Variants in CCND3 observed in about 807,000 individuals in gnomAD.
CCND3 encodes the protein G1/S-specific cyclin-D3.
Under a neutral mutation model 28.7 loss-of-function variants are expected in CCND3, and 9 were observed. That is an observed-to-expected ratio of 0.31 (90% CI 0.19 to 0.55). The LOEUF (loss-of-function observed/expected upper bound fraction) is 0.55. CCND3 is among the 20% of genes least tolerant of loss of function. The pLI is 0.93. For synonymous variants in CCND3, 164 were observed against 163.9 expected (o/e 1.00, Z 0.00); for missense variants, 315 against 385.8 (o/e 0.82, Z 1.54).
chr6:41,994,916 A>C (rs1762752531), intron 1 of CCND3, among the ~76,000 whole-genome samples: 1 of 151,950 alleles, frequency 6.6e-6, no homozygotes. Context: ...TACTACAAAT[A>C]CAAAAATTAG....
chr6:41,991,411 A>G (rs1430931229), intron 1 of CCND3, among the ~76,000 whole-genome samples: 1 of 152,182 alleles, frequency 6.6e-6, no homozygotes, highest in Non-Finnish European at 1.5e-5. Flanking sequence ...CCACAAAATA[A>G]TACTCCATTG....
At chr6:41,965,315 G>T (rs1256129587) in intron 1 of CCND3, among the ~76,000 whole-genome samples, 1 of 152,016 alleles carries the variant, frequency 6.6e-6, no homozygotes, top group African/African-American at 2.4e-5. Flanking sequence ...TGATCCGCCT[G>T]CCCCGGCCTC....
At chr6:41,987,289 C>T (rs370787502) in intron 1 of CCND3, among the ~76,000 whole-genome samples, 9 of 152,022 alleles carry the variant, frequency 5.9e-5, no homozygotes, top group African/African-American at 2.2e-4. Context: ...TGTCCTAATA[C>T]TTCAGTGATA....
chr6:42,020,435 A>G (rs1004240396), intron 1 of CCND3, among the ~76,000 whole-genome samples: 2 of 152,018 alleles, frequency 1.3e-5, no homozygotes, highest in Non-Finnish European at 2.9e-5. Context: ...TGTGTTGATC[A>G]GGTCCCCGGA....
At chr6:41,958,194 A>C (rs1776487536) in intron 1 of CCND3, among the ~76,000 whole-genome samples, 1 of 149,516 alleles carries the variant, frequency 6.7e-6, no homozygotes, top group Admixed American at 6.7e-5. Context: ...ACGGGTTTTC[A>C]CCATGTTGGC....
chr6:41,948,478 G>A (rs568966426), intron 1 of CCND3, among the ~76,000 whole-genome samples: 1 of 151,954 alleles, frequency 6.6e-6, no homozygotes, highest in Non-Finnish European at 1.5e-5. Context: ...TGGGACTATA[G>A]GCGTGCACTA....
At chr6:42,005,707 A>G (rs1420917201) in intron 1 of CCND3, among the ~76,000 whole-genome samples, 2 of 151,756 alleles carry the variant, frequency 1.3e-5, no homozygotes, top group African/African-American at 2.4e-5. Context: ...TTTTTGAGAT[A>G]AGAGTTTTGC....
At chr6:41,992,913 T>A (rs1462226379) in intron 1 of CCND3, among the ~76,000 whole-genome samples, 1 of 152,044 alleles carries the variant, frequency 6.6e-6, no homozygotes, top group Non-Finnish European at 1.5e-5. Context: ...GCCTTGTTTT[T>A]ATTTTTGTTT....
At chr6:41,947,263 T>A in intron 1 of CCND3, among the ~76,000 whole-genome samples, 1 of 151,850 alleles carries the variant, frequency 6.6e-6, no homozygotes. Flanking sequence ...TGGATGGGCA[T>A]TTAAAATCCC....
At chr6:42,016,055 C>T (rs1367299998) in intron 1 of CCND3, among the ~76,000 whole-genome samples, 3 of 152,006 alleles carry the variant, frequency 2.0e-5, no homozygotes, top group Non-Finnish European at 4.4e-5. Context: ...TCTGCCTCAG[C>T]CTCCTGAGTA....
rs3218107 is a variant in CCND3 at position 41,934,962 on chromosome 6, C to T, written c.*978G>A. On this transcript the variant is annotated 3_prime_UTR_variant, in exon 5 of 5. Transcript: ENST00000372991. The stretch of plus-strand genomic sequence containing the variant: ...AGAAGCCAAAGCCAGTTTTATTTCA[C>T]AATCATCTTTATTACAGTAGGATGA... The T allele has an allele frequency of 5.5e-3, 1,275 of 229,832 alleles. 7 individuals are homozygous for T. The highest frequency in any genetic ancestry group is 0.026 in the African/African-American group (1,191 of 45,280). The allele number at this position is 229,832 out of a possible 1,614,324, so 14.2% of individuals were successfully genotyped here. A position where few individuals can be genotyped will look rare whatever the true frequency, so the allele number is the denominator to read the frequency against.
At position 41,987,505 on chromosome 6, in the gene CCND3, CTCTCTCTCTCTCTGTGTGTGTGTGTGTG is replaced by C. The variant is rs1197102927; in HGVS notation, c.-45-46948_-45-46921del. Among the ~76,000 whole-genome samples the C allele has an allele frequency of 4.0e-3, 381 of 94,970 alleles. 2 individuals carry two copies. The highest frequency in any genetic ancestry group is 2.1e-3 in the African/African-American group (38 of 18,200). The allele number at this position is 94,970 out of a possible 152,430, so 62.3% of individuals were successfully genotyped here. On this transcript the variant is annotated intron_variant, in intron 1 of 4. Coordinates refer to the CCND3 transcript ENST00000372988. ...TCTCTCTCTCTCTCTCTCTCTCTCTCTCTCTCTCTCTCTGTGTGTGTGTGTGTGTGTGTGTGTGTGTGTGTGTGTGTTT... is the reference window on the plus strand; with the variant it reads ...TCTCTCTCTCTCTCTCTCTCTCTCTCTGTGTGTGTGTGTGTGTGTGTGTTT...
At position 41,965,976 on chromosome 6, in the gene CCND3, T is replaced by C. The variant is rs180939716; in HGVS notation, c.-45-25391A>G. Among the ~76,000 whole-genome samples, 94 of 152,298 alleles carry C rather than the reference T, an allele frequency of 6.2e-4. 3 individuals carry two copies. The South Asian group carries it at 0.013, about 21-fold the overall frequency. ...GGCTGACCTCCTGCTGTATGGGATA[T>C]GGCAAAATAACTTAGGCCTTTAGAC... On this transcript the variant is annotated intron_variant, in intron 1 of 4. Coordinates refer to the CCND3 transcript ENST00000372988.
intron 1 of CCND3, among the ~76,000 whole-genome samples, chr6:42,008,371 T>G (rs1217314201): frequency 8.2e-6 from 1 of 122,628 alleles, no homozygotes; most frequent in Non-Finnish European, 1.8e-5. Context: ...AGAGCGAAAC[T>G]CTGTCTCAAA....
intron 1 of CCND3, among the ~76,000 whole-genome samples, chr6:42,022,014 T>G (rs1173511135): frequency 1.3e-5 from 2 of 152,142 alleles, no homozygotes; most frequent in African/African-American, 4.8e-5. Flanking sequence ...CTTGCTAGCT[T>G]AAAGGAAGCA....
chr6:41,967,028 G>A (rs1761905383), intron 1 of CCND3, among the ~76,000 whole-genome samples: 1 of 152,136 alleles, frequency 6.6e-6, no homozygotes. Context: ...TTTAAGTGCC[G>A]GCTAACCATA....
chr6:41,977,123 G>C (rs1419454752), intron 1 of CCND3, among the ~76,000 whole-genome samples: 1 of 152,104 alleles, frequency 6.6e-6, no homozygotes, highest in Admixed American at 6.6e-5. Flanking sequence ...GGTCAGAAAG[G>C]GGTCTCAGAG....
rs192694450 is a variant in CCND3, at chr6:41,991,704, G to A, written c.-45-51119C>T. On this transcript the variant is annotated intron_variant, in intron 1 of 4. Transcript: ENST00000372988. ...CACTGGAACTTATTCCTCCTATGTA[G>A]CTGTAATTTTGTAACCTTTAACAAA... is the stretch of plus-strand genomic sequence containing the variant. 3.9e-3 allele frequency among the ~76,000 whole-genome samples: 591 copies of A among 152,218 alleles called. 2 individuals are homozygous for A. Among genetic ancestry groups the A allele is most frequent in the African/African-American group, 0.013 (557 of 41,548 alleles).
At chr6:42,044,463 G>A (rs1764469674) in intron 1 of CCND3, among the ~76,000 whole-genome samples, 1 of 152,222 alleles carries the variant, frequency 6.6e-6, no homozygotes, top group Non-Finnish European at 1.5e-5. Context: ...CATAGAAGAG[G>A]AAAGCAGGGG....
Sources: allele counts gnomAD v4.1 joint callset (sites outside exome capture counted in the v4.1 genomes callset), GRCh38; gene constraint gnomAD v4.1.1; transcripts MANE v1.5; gene names NCBI Gene and HGNC (gene_info 2026-07-23, HGNC 2026-07-21).